The following TEAD3 variants were observed in gnomAD, a reference collection of about 807,000 sequenced individuals.
TEAD3 encodes the protein TEA domain transcription factor 3.
In TEAD3, 15 loss-of-function variants were observed where a neutral mutation model predicts 55.6. The observed-to-expected ratio is 0.27, with a 90% CI of 0.18 to 0.42. TEAD3 has a LOEUF of 0.42. Among genes scored for constraint, TEAD3 ranks in the 10% least tolerant of loss-of-function variants. The probability of loss-of-function intolerance (pLI) is 1.00; values close to 1 mark genes in which losing one functional copy is unlikely to be tolerated. For missense variants in TEAD3, 407 were observed against 576.8 expected, an observed-to-expected ratio of 0.71 and a Z score of 3.01; for synonymous variants, 210 against 232.2, an observed-to-expected ratio of 0.90 and a Z score of 0.87.
Position 35,475,667 on chromosome 6 carries a change from A to G in TEAD3, c.940T>C (p.Phe314Leu). The change falls in exon 11 of 13, where the codon TTC (phenylalanine) becomes CTC (leucine). Residue 314 changes from phenylalanine to leucine, a missense_variant. Transcript: ENST00000639578. The surrounding 1 kb of genome is among the most constrained non-coding windows in gnomAD (Gnocchi z 5.4). ...CTGTACTGAGAGCTGACCCCATAGA[A>G]GGCTCCCGGGCCCTCCTGGATGGTG... 3 of 1,612,580 alleles carry G rather than the reference A, an allele frequency of 1.9e-6. No homozygotes were observed. Among genetic ancestry groups the G allele is most frequent in the Non-Finnish European group, 2.5e-6 (3 of 1,178,980 alleles).
chr6:35,482,793 A>G (rs1025642111), intron 3 of TEAD3, among the ~76,000 whole-genome samples: 82 of 152,314 alleles, frequency 5.4e-4, no homozygotes, highest in African/African-American at 1.9e-3. Context: ...ACAGTGACCT[A>G]GTGACCCTTG....
At position 35,475,107 on chromosome 6, in the gene TEAD3, G is replaced by A. The variant is rs1768115058; in HGVS notation, c.1245C>T (p.Val415=). The A allele has an allele frequency of 6.3e-7, 1 of 1,597,588 alleles. No individual in the cohort carries two copies. Residue 415 remains valine, a synonymous_variant, in exon 13 of 13, where the codon GTC becomes GTT. Coordinates refer to ENST00000639578, the Ensembl canonical transcript of TEAD3. This position sits in a 1 kb window ranked among gnomAD's most constrained non-coding sequence, Gnocchi z 5.4. ...CGTGCTCACTGGTGGAGACTTCGAAGACAAAAGCAATGACAAGCAGGGTCT... is the reference window on the plus strand; with the variant it reads ...CGTGCTCACTGGTGGAGACTTCGAAAACAAAAGCAATGACAAGCAGGGTCT...
Position 35,486,002 on chromosome 6 carries a change from C to T in TEAD3, c.202+459G>A, listed in dbSNP as rs559270238. On this transcript the variant is annotated intron_variant, in intron 2 of 12. Transcript: ENST00000639578. The surrounding 1 kb of genome is among the most constrained non-coding windows in gnomAD (Gnocchi z 7.3). ...GGGGAAGGGGACTGAGGAGGGAACGCGTCCCCACAGCCCCAACGCAGGCCT... is the reference window on the plus strand; with the variant it reads ...GGGGAAGGGGACTGAGGAGGGAACGTGTCCCCACAGCCCCAACGCAGGCCT... Among the ~76,000 whole-genome samples, 2 of 152,316 alleles carry T rather than the reference C, an allele frequency of 1.3e-5. No homozygotes were observed. Among genetic ancestry groups the T allele is most frequent in the South Asian group, 2.1e-4 (1 of 4,832 alleles).
intron 4 of TEAD3, among the ~76,000 whole-genome samples, chr6:35,479,556 T>C (rs1768225825): frequency 6.6e-6 from 1 of 152,200 alleles, no homozygotes; most frequent in Admixed American, 6.5e-5. Flanking sequence ...GTCCATATGT[T>C]CTGGAACTAG....
chr6:35,496,702 G>A lies in TEAD3; in HGVS notation c.-50+196C>T, dbSNP rs1325445796. 6.6e-6 allele frequency among the ~76,000 whole-genome samples: 1 copy of A among 152,092 alleles called. No individual in the cohort carries two copies. Among genetic ancestry groups the A allele is most frequent in the African/African-American group, 2.4e-5 (1 of 41,428 alleles). Reference sequence around the variant, plus strand: ...CCCGTCGCGGGGGGGTGGGGAGGGCGGGGGGCGGGGCTTCCCGGAGAGATT... The same window carrying A: ...CCCGTCGCGGGGGGGTGGGGAGGGCAGGGGGCGGGGCTTCCCGGAGAGATT... On this transcript the variant is annotated intron_variant, in intron 1 of 12. Coordinates refer to ENST00000639578, the Ensembl canonical transcript of TEAD3. The surrounding 1 kb of genome is among the most constrained non-coding windows in gnomAD (Gnocchi z 4.8).
rs1768531534 is a variant in TEAD3 at position 35,491,993 on chromosome 6, C to G, written c.-50+4905G>C. Among the ~76,000 whole-genome samples, 2 of 152,294 alleles carry G rather than the reference C, an allele frequency of 1.3e-5. No homozygotes were observed. The highest frequency in any genetic ancestry group is 2.9e-5 in the Non-Finnish European group (2 of 68,002). ...CCTTTAGGGGCCCCAGAGCCACTGC[C>G]TTGGTAGGAGGCACAGAAAAAGCCA... On this transcript the variant is annotated intron_variant, in intron 1 of 12. Transcript: ENST00000639578. This position sits in a 1 kb window ranked among gnomAD's most constrained non-coding sequence, Gnocchi z 4.4.
chr6:35,478,312 G>A, exon 7 of TEAD3: 1 of 1,613,830 alleles, frequency 6.2e-7, no homozygotes, highest in Non-Finnish European at 8.5e-7. Flanking sequence ...AGGAGAGGGG[G>A]GCTGCTCCAG....
chr6:35,481,025 C>A (rs1768257069), intron 3 of TEAD3, among the ~76,000 whole-genome samples: 1 of 152,034 alleles, frequency 6.6e-6, no homozygotes, highest in Admixed American at 6.5e-5. Flanking sequence ...ACAGCCCCAG[C>A]CTATGAAACG....
chr6:35,480,509 T>C (rs746639848), intron 3 of TEAD3, 135 bp from the exon 4 acceptor site: 6 of 904,330 alleles, frequency 6.6e-6, no homozygotes, highest in South Asian at 1.6e-5. Flanking sequence ...GGGACCTTTT[T>C]TCTTTTTGAA....
At chr6:35,479,563 C>G (rs1395729500) in intron 4 of TEAD3, among the ~76,000 whole-genome samples, 1 of 152,240 alleles carries the variant, frequency 6.6e-6, no homozygotes, top group East Asian at 1.9e-4. Context: ...TGTTCTGGAA[C>G]TAGGCTCTGG....
chr6:35,475,701 G>A lies in TEAD3; in HGVS notation c.906C>T (p.Asp302=). The change falls in exon 11 of 13, where the codon GAC becomes GAT. Residue 302 remains aspartate (D), a synonymous_variant. Coordinates refer to ENST00000639578, the Ensembl canonical transcript of TEAD3. This position sits in a 1 kb window ranked among gnomAD's most constrained non-coding sequence, Gnocchi z 5.4. ...GGCCCTCCTGGATGGTGCTGTTGAG[G>A]TCGGCCTGGGCATGGGGGTGGGGGG... The A allele has an allele frequency of 6.3e-7, 1 of 1,593,964 alleles. No individual in the cohort carries two copies. Among genetic ancestry groups the A allele is most frequent in the Non-Finnish European group, 8.6e-7 (1 of 1,169,016 alleles).
chr6:35,495,606 G>A (rs1214140775), intron 1 of TEAD3, among the ~76,000 whole-genome samples: 1 of 152,162 alleles, frequency 6.6e-6, no homozygotes, highest in African/African-American at 2.4e-5. Flanking sequence ...CCTTTAGGGA[G>A]TGCCCCTACG....
chr6:35,485,534 C>T lies in TEAD3; in HGVS notation c.203-910G>A, dbSNP rs1481131883. 3.9e-5 allele frequency among the ~76,000 whole-genome samples: 6 copies of T among 152,198 alleles called. No homozygotes were observed. In the East Asian group the frequency reaches 7.7e-4, roughly 20 times the overall value. On this transcript the variant is annotated intron_variant, in intron 2 of 12. Transcript: ENST00000639578. This position sits in a 1 kb window ranked among gnomAD's most constrained non-coding sequence, Gnocchi z 4.3. The stretch of plus-strand genomic sequence containing the variant: ...TGGCCAAATTCTCCAAATTCCATTC[C>T]GATGACTGAACCAGCCCCATTGCTC...
rs114499938 is a variant in TEAD3, at chr6:35,488,862, C to T, written c.-49-2151G>A. ...CCTCAGACTCCCATGCAGCCTCCCCCCTCAGCATGGTGGCACGCACCTGTA... is the reference window on the plus strand; with the variant it reads ...CCTCAGACTCCCATGCAGCCTCCCCTCTCAGCATGGTGGCACGCACCTGTA... On this transcript the variant is annotated intron_variant, in intron 1 of 12. Transcript: ENST00000639578. This position sits in a 1 kb window ranked among gnomAD's most constrained non-coding sequence, Gnocchi z 4.2. Among the ~76,000 whole-genome samples the T allele has an allele frequency of 6.6e-6, 1 of 152,082 alleles. No individual in the cohort carries two copies. Among genetic ancestry groups the T allele is most frequent in the Non-Finnish European group, 1.5e-5 (1 of 67,992 alleles).
chr6:35,474,875 A>G (rs569349904), downstream of TEAD3: 8 of 606,716 alleles, frequency 1.3e-5, no homozygotes, highest in Admixed American at 1.9e-4. Flanking sequence ...TAAAGCGCAG[A>G]ACAGTGGCAG....
intron 9 of TEAD3, 96 bp downstream of exon 9, chr6:35,476,206 A>T: frequency 6.4e-7 from 1 of 1,553,354 alleles, no homozygotes; most frequent in East Asian, 2.4e-5. Flanking sequence ...AACAGGCCAG[A>T]CCCCCAACCC....
rs1581730136 is a variant in TEAD3, at chr6:35,491,630, C to T, written c.-49-4919G>A. 1.3e-5 allele frequency among the ~76,000 whole-genome samples: 2 copies of T among 152,202 alleles called. No homozygotes were observed. The highest frequency in any genetic ancestry group is 2.9e-5 in the Non-Finnish European group (2 of 68,022). ...TCCTGTTGTACCTGTCCTGCAAACCCGCCAGCAGGCTGCAGACCCCCAGGG... is the reference window on the plus strand; with the variant it reads ...TCCTGTTGTACCTGTCCTGCAAACCTGCCAGCAGGCTGCAGACCCCCAGGG... On this transcript the variant is annotated intron_variant, in intron 1 of 12. Coordinates refer to ENST00000639578, the Ensembl canonical transcript of TEAD3. The surrounding 1 kb of genome is among the most constrained non-coding windows in gnomAD (Gnocchi z 4.4).
In TEAD3 at chr6:35,496,332, G is replaced by A. The variant is rs1490400900; in HGVS notation, c.-50+566C>T. Among the ~76,000 whole-genome samples the A allele has an allele frequency of 6.6e-6, 1 of 152,204 alleles. No individual in the cohort carries two copies. The highest frequency in any genetic ancestry group is 1.5e-5 in the Non-Finnish European group (1 of 68,026). On this transcript the variant is annotated intron_variant, in intron 1 of 12. Transcript: ENST00000639578. This position sits in a 1 kb window ranked among gnomAD's most constrained non-coding sequence, Gnocchi z 4.8. ...CGTGAGCCCCTCCCTGCCTCTCAGG[G>A]GACACACGGCCGGGGCGCGCGGCTT...
At position 35,484,891 on chromosome 6, in the gene TEAD3, G is replaced by A. The variant is rs114546334; in HGVS notation, c.203-267C>T. Among the ~76,000 whole-genome samples, 196 of 152,298 alleles carry A rather than the reference G, an allele frequency of 1.3e-3. No homozygotes were observed. The highest frequency in any genetic ancestry group is 4.5e-3 in the African/African-American group (187 of 41,568). Reference sequence around the variant, plus strand: ...CTGCAGGGTAGGAGGAAGGAGGGCCGAGCAGCACTAGGCACCCTGACAGGC... The same window carrying A: ...CTGCAGGGTAGGAGGAAGGAGGGCCAAGCAGCACTAGGCACCCTGACAGGC... On this transcript the variant is annotated intron_variant, in intron 2 of 12. Coordinates refer to ENST00000639578, the Ensembl canonical transcript of TEAD3. This position sits in a 1 kb window ranked among gnomAD's most constrained non-coding sequence, Gnocchi z 5.8.
Sources: gnomAD v4.1 joint callset for allele counts (sites outside exome capture counted in the v4.1 genomes callset) on GRCh38, gnomAD v4.1.1 for gene constraint, Gnocchi (gnomAD v3.1) non-coding constraint, MANE v1.5 for transcripts, NCBI Gene and HGNC (gene_info 2026-07-23, HGNC 2026-07-21) for gene names.